Variants in AARS1 observed in about 807,000 individuals in gnomAD.
AARS1 encodes the protein alanyl-tRNA synthetase 1.
A neutral mutation model predicts 108.9 loss-of-function variants in AARS1; 72 were observed. The ratio of observed to expected loss-of-function variants is 0.66; its 90% CI spans 0.55 to 0.80. The LOEUF (loss-of-function observed/expected upper bound fraction) is 0.80. AARS1 is among the 30% of genes least tolerant of loss of function. AARS1 has a pLI of 0.00. For missense variants in AARS1, 1,193 were observed against 1,233.2 expected, an observed-to-expected ratio of 0.97 and a Z score of 0.49; for synonymous variants, 489 against 465.7, an observed-to-expected ratio of 1.05 and a Z score of -0.64.
intron 13 of AARS1, 64 bp from the exon 14 acceptor site, chr16:70,259,250 C>G: frequency 6.6e-7 from 1 of 1,512,944 alleles, no homozygotes. Flanking sequence ...TCCTCGTTAT[C>G]TGCTCCCCCG....
At chr16:70,258,943 G>T in intron 14 of AARS1, 37 bp downstream of exon 14, 1 of 1,590,374 alleles carries the variant, frequency 6.3e-7, no homozygotes, top group Non-Finnish European at 8.6e-7. Flanking sequence ...CAGTGACGGT[G>T]TGGGGAGGGG....
At chr16:70,259,503 G>A (rs1163549641) in intron 13 of AARS1, among the ~76,000 whole-genome samples, 4 of 152,116 alleles carry the variant, frequency 2.6e-5, no homozygotes, top group Non-Finnish European at 5.9e-5. Context: ...CATTTTTAGA[G>A]ACAGGGTCTT....
chr16:70,254,444 A>G, intron 17 of AARS1, 177 bp downstream of exon 17: 1 of 647,156 alleles, frequency 1.5e-6, no homozygotes, highest in Admixed American at 2.2e-5. Context: ...GGGAATGTCC[A>G]GGGTCCAAGG....
chr16:70,258,983 G>A lies in AARS1; in HGVS notation c.1989C>T (p.Ala663=), dbSNP rs2152154316. 6.2e-7 allele frequency: 1 copy of A among 1,614,138 alleles called. No individual in the cohort carries two copies. Among genetic ancestry groups the A allele is most frequent in the Non-Finnish European group, 8.5e-7 (1 of 1,180,022 alleles). ...ATTCAGCCGTCGCCCATCCTACCTT[G>A]GCTGCCTCAATCATCTCATTAGCAA... ...EEIANEMIEA[A]KAVYTQDCPL... Residue 663 remains alanine (A), a synonymous_variant, in exon 14 of 21, where the codon GCC becomes GCT. Coordinates refer to ENST00000261772, the MANE Select transcript of AARS1 (RefSeq NM_001605.3).
chr16:70,276,933 A>C, intron 3 of AARS1, 33 bp downstream of exon 3: 1 of 1,613,000 alleles, frequency 6.2e-7, no homozygotes, highest in Non-Finnish European at 8.5e-7. Flanking sequence ...CATTTTCCTC[A>C]AAACCCTAGT....
intron 13 of AARS1, among the ~76,000 whole-genome samples, chr16:70,260,575 T>A (rs2152155414): frequency 6.6e-6 from 1 of 152,322 alleles, no homozygotes; most frequent in African/African-American, 2.4e-5. Context: ...AACATATAGA[T>A]TAACTCTTAG....
chr16:70,258,343 T>C, intron 14 of AARS1, 126 bp from the exon 15 acceptor site: 2 of 980,284 alleles, frequency 2.0e-6, no homozygotes, highest in South Asian at 1.4e-5. Flanking sequence ...GCACGTGCCA[T>C]GAGCTTCCTC....
chr16:70,269,765 T>C lies in AARS1; in HGVS notation c.817-2A>G. 1 of 1,614,094 alleles carries C rather than the reference T, an allele frequency of 6.2e-7. No homozygotes were observed. Among genetic ancestry groups the C allele is most frequent in the East Asian group, 2.2e-5 (1 of 44,886 alleles). ...AGTGTATGGTCGGGCACCTGTGCCC[T>C]ATAGATAAGAATCAGGAGGCAGCCC... On this transcript the variant is annotated splice_acceptor_variant, in intron 6 of 20. Coordinates refer to ENST00000261772, the MANE Select transcript of AARS1 (RefSeq NM_001605.3). LOFTEE classifies it high-confidence loss of function.
At chr16:70,282,205 T>C (rs1307496533) in intron 2 of AARS1, among the ~76,000 whole-genome samples, 1 of 151,740 alleles carries the variant, frequency 6.6e-6, no homozygotes, top group Non-Finnish European at 1.5e-5. Flanking sequence ...GGCGGGCACC[T>C]GTAGTCCCAG....
At chr16:70,270,122 CT>C in intron 6 of AARS1, 73 bp downstream of exon 6, 1 of 1,576,134 alleles carries the variant, frequency 6.3e-7, no homozygotes, top group East Asian at 2.2e-5. Flanking sequence ...GTCATTTTTT[CT>C]TTGACAGCAC....
chr16:70,285,668 C>T (rs996441584), intron 1 of AARS1, among the ~76,000 whole-genome samples: 1 of 152,092 alleles, frequency 6.6e-6, no homozygotes, highest in African/African-American at 2.4e-5. Flanking sequence ...AGCCTGGTCT[C>T]GAACTCCTGA....
intron 5 of AARS1, 26 bp from the exon 6 acceptor site, chr16:70,270,366 T>G (rs1008315991): frequency 9.9e-6 from 16 of 1,613,752 alleles, no homozygotes; most frequent in Admixed American, 5.0e-5. Context: ...GAAGAGGAGG[T>G]TGAAGCAGAG....
In AARS1 at chr16:70,252,801, T is replaced by C. The variant is rs1425152618; in HGVS notation, c.2827A>G (p.Lys943Glu). The change falls in exon 21 of 21, where the codon AAG becomes GAG. Residue 943 changes from lysine to glutamate, a missense_variant. By Grantham distance (56) the Lys-to-Glu change is moderately conservative. Coordinates refer to ENST00000261772, the MANE Select transcript of AARS1 (RefSeq NM_001605.3). The part of the protein sequence containing the change: ...GKDVSAQATG[K>E]NVGCLQEALQ... ...GCCTCCTGCAGGCAGCCAACGTTCT[T>C]GCCTGTGGCCTGTGCAGACACATCC... is the stretch of plus-strand genomic sequence containing the variant. 8.1e-6 allele frequency: 13 copies of C among 1,614,182 alleles called. No individual in the cohort carries two copies. The highest frequency in any genetic ancestry group is 1.3e-5 in the African/African-American group (1 of 75,060).
At chr16:70,258,247 G>A in intron 14 of AARS1, 30 bp from the exon 15 acceptor site, 2 of 1,564,992 alleles carry the variant, frequency 1.3e-6, no homozygotes, top group Non-Finnish European at 1.7e-6. Flanking sequence ...GAAAAGAGCT[G>A]GAAGAGATCC....
chr16:70,258,277 A>G, intron 14 of AARS1, 60 bp from the exon 15 acceptor site: 1 of 1,536,012 alleles, frequency 6.5e-7, no homozygotes, highest in South Asian at 1.2e-5. Flanking sequence ...CGGTACGACG[A>G]GGCAGGAAAG....
intron 11 of AARS1, 58 bp from the exon 12 acceptor site, chr16:70,262,582 T>C: frequency 6.5e-7 from 1 of 1,527,472 alleles, no homozygotes; most frequent in South Asian, 1.2e-5. Flanking sequence ...TTTCACTCCT[T>C]CTTGGCTGAC....
intron 11 of AARS1, 152 bp downstream of exon 11, chr16:70,264,806 C>T: frequency 1.1e-6 from 1 of 895,456 alleles, no homozygotes; most frequent in Non-Finnish European, 1.8e-6. Flanking sequence ...CCAAGGGTGC[C>T]TATGTGTATA....
intron 2 of AARS1, among the ~76,000 whole-genome samples, chr16:70,281,801 A>C (rs1488836187): frequency 1.3e-5 from 2 of 152,162 alleles, no homozygotes; most frequent in Non-Finnish European, 2.9e-5. Flanking sequence ...ACAGCATGCT[A>C]GGATCATGCC....
At chr16:70,286,086 A>C (rs1485518335) in intron 1 of AARS1, among the ~76,000 whole-genome samples, 1 of 152,230 alleles carries the variant, frequency 6.6e-6, no homozygotes, top group Non-Finnish European at 1.5e-5. Flanking sequence ...AAAGGACTGA[A>C]TATATTAACT....
Sources: allele counts gnomAD v4.1 joint callset (sites outside exome capture counted in the v4.1 genomes callset), GRCh38; gene constraint gnomAD v4.1.1; transcripts MANE v1.5; gene names NCBI Gene and HGNC (gene_info 2026-07-23, HGNC 2026-07-21).